Variants in CHN2 observed in about 807,000 individuals in gnomAD.
CHN2 encodes chimerin 2.
In CHN2, 35 loss-of-function variants were observed where a neutral mutation model predicts 56.3. The ratio of observed to expected loss-of-function variants is 0.62; its 90% confidence interval spans 0.47 to 0.82. The LOEUF (loss-of-function observed/expected upper bound fraction) is 0.82. Among genes scored for constraint, CHN2 ranks in the 40% least tolerant of loss-of-function variants. The probability of loss-of-function intolerance (pLI) is 0.00; values close to 1 mark genes in which losing one functional copy is unlikely to be tolerated. For synonymous variants in CHN2, 210 were observed against 212.8 expected (o/e 0.99, Z 0.12); for missense variants, 491 against 580.5 (o/e 0.85, Z 1.58).
chr7:29,269,387 CTTT>C (rs1790429580), intron 1 of CHN2, among the ~76,000 whole-genome samples: 2 of 152,122 alleles, frequency 1.3e-5, no homozygotes, highest in Admixed American at 6.5e-5. Context: ...ATATTTTATT[CTTT>C]TTTGTGGCTA....
intron 6 of CHN2, among the ~76,000 whole-genome samples, chr7:29,413,372 T>C (rs1803426118): frequency 1.3e-5 from 2 of 152,264 alleles, no homozygotes; most frequent in African/African-American, 4.8e-5. Context: ...GGGCTATGCG[T>C]GTCCCAACAC....
At chr7:29,443,710 T>A (rs1156441436) in intron 6 of CHN2, among the ~76,000 whole-genome samples, 1 of 151,100 alleles carries the variant, frequency 6.6e-6, no homozygotes, top group Admixed American at 6.6e-5. Context: ...GCAGCCCTTA[T>A]CTGAGACGTG....
chr7:29,234,285 G>A (rs1468372045), intron 1 of CHN2, among the ~76,000 whole-genome samples: 2 of 152,170 alleles, frequency 1.3e-5, no homozygotes, highest in Non-Finnish European at 2.9e-5. Flanking sequence ...GAAAATATTA[G>A]TTGTTTGAGA....
At chr7:29,178,406 C>T (rs554314431) in intron 2 of CHN2, among the ~76,000 whole-genome samples, 9 of 152,222 alleles carry the variant, frequency 5.9e-5, no homozygotes, top group African/African-American at 1.4e-4. Context: ...ATTCCTTTGA[C>T]GCCAGCTCCA....
At chr7:29,271,679 G>C (rs1202368273) in intron 1 of CHN2, among the ~76,000 whole-genome samples, 1 of 152,152 alleles carries the variant, frequency 6.6e-6, no homozygotes, top group East Asian at 1.9e-4. Context: ...TTCAGACATT[G>C]GTTATCCAGT....
At chr7:29,171,651 C>T (rs17157602) in intron 2 of CHN2, among the ~76,000 whole-genome samples, 12,517 of 152,126 alleles carry the variant, frequency 0.082, 710 homozygotes, top group East Asian at 0.2. Flanking sequence ...AATACTTGTC[C>T]GGAGATGAAC....
chr7:29,379,315 T>G (rs1052097032), intron 3 of CHN2, among the ~76,000 whole-genome samples: 1 of 152,308 alleles, frequency 6.6e-6, no homozygotes, highest in East Asian at 1.9e-4. Context: ...CAGCAGGAAG[T>G]TAAAGGGGTG....
chr7:29,151,062 T>C (rs577410959), intron 2 of CHN2, among the ~76,000 whole-genome samples: 1 of 152,302 alleles, frequency 6.6e-6, no homozygotes, highest in South Asian at 2.1e-4. Context: ...CAGGTGGCGG[T>C]AACCAAGCTC....
At chr7:29,319,819 C>T (rs954956846) in intron 1 of CHN2, among the ~76,000 whole-genome samples, 2 of 152,112 alleles carry the variant, frequency 1.3e-5, no homozygotes, top group African/African-American at 4.8e-5. Context: ...ACTCTGGAAC[C>T]GAGTGGCACC....
At chr7:29,400,920 G>T in intron 6 of CHN2, 92 bp downstream of exon 6, 7 of 1,288,572 alleles carry the variant, frequency 5.4e-6, no homozygotes, top group Non-Finnish European at 7.5e-6. Context: ...TGAAATGTTG[G>T]AGGAGACCCA....
chr7:29,239,008 C>T (rs1380980078), intron 1 of CHN2, among the ~76,000 whole-genome samples: 1 of 152,154 alleles, frequency 6.6e-6, no homozygotes, highest in South Asian at 2.1e-4. Flanking sequence ...CATGGGACAT[C>T]ACTGGAAGCA....
intron 6 of CHN2, among the ~76,000 whole-genome samples, chr7:29,437,111 T>G (rs1357301678): frequency 6.6e-6 from 1 of 152,152 alleles, no homozygotes; most frequent in Non-Finnish European, 1.5e-5. Context: ...TAAATATATA[T>G]TTGTTGTATC....
chr7:29,197,704 G>T (rs1783849546), intron 1 of CHN2, among the ~76,000 whole-genome samples: 1 of 152,172 alleles, frequency 6.6e-6, no homozygotes, highest in Non-Finnish European at 1.5e-5. Context: ...TTCAGGCATA[G>T]CCCTGAGTGT....
chr7:29,336,400 A>G (rs969038003), intron 1 of CHN2, among the ~76,000 whole-genome samples: 3 of 152,160 alleles, frequency 2.0e-5, no homozygotes, highest in African/African-American at 7.2e-5. Flanking sequence ...ACTTGAGCCC[A>G]GGAGTTCAAG....
chr7:29,321,932 T>C (rs1308851009), intron 1 of CHN2, among the ~76,000 whole-genome samples: 4 of 152,212 alleles, frequency 2.6e-5, no homozygotes, highest in African/African-American at 7.2e-5. Flanking sequence ...GCAGATCTTA[T>C]GGATTAGTCA....
chr7:29,229,095 C>T (rs967783200), intron 1 of CHN2, among the ~76,000 whole-genome samples: 49 of 152,130 alleles, frequency 3.2e-4, no homozygotes, highest in African/African-American at 1.1e-3. Flanking sequence ...AGCTCCTCCC[C>T]GCTGTTGACC....
intron 6 of CHN2, among the ~76,000 whole-genome samples, chr7:29,450,820 G>T (rs34300034): frequency 0.036 from 5,500 of 151,668 alleles, 137 homozygotes; most frequent in Admixed American, 0.07. Context: ...TTGGCAGGCT[G>T]GTGTGCGGTG....
rs146239949 is a variant in CHN2, at chr7:29,371,624, G to T, written c.144+3637G>T. Among the ~76,000 whole-genome samples, 219 of 152,148 alleles carry T rather than the reference G, an allele frequency of 1.4e-3. 1 individual carries two copies. Among genetic ancestry groups the T allele is most frequent in the African/African-American group, 5.2e-3 (214 of 41,502 alleles). On this transcript the variant is annotated intron_variant, in intron 3 of 12. Coordinates refer to ENST00000222792, the MANE Select transcript of CHN2 (RefSeq NM_004067.4). Reference sequence around the variant, plus strand: ...CTCTCAAATTTGTTTCTCTAGCCAAGACCTCTACCCGGGGCTCCAGACACC... The same window carrying T: ...CTCTCAAATTTGTTTCTCTAGCCAATACCTCTACCCGGGGCTCCAGACACC...
intron 2 of CHN2, among the ~76,000 whole-genome samples, chr7:29,178,606 T>TA (rs1301483740): frequency 4.0e-4 from 61 of 152,276 alleles, no homozygotes; most frequent in Non-Finnish European, 7.5e-4. Flanking sequence ...GTTATCTTTT[T>TA]AAAAAAAGCA....
Sources: allele counts gnomAD v4.1 joint callset (sites outside exome capture counted in the v4.1 genomes callset), GRCh38; gene constraint gnomAD v4.1.1; transcripts MANE v1.5; gene names NCBI Gene and HGNC (gene_info 2026-07-23, HGNC 2026-07-21).